The following SMYD3 variants were observed in gnomAD, a reference collection of about 807,000 sequenced individuals.
SMYD3 encodes SET and MYND domain containing 3.
A neutral mutation model predicts 57.7 loss-of-function variants in SMYD3; 36 were observed. The ratio of observed to expected loss-of-function variants is 0.62; its 90% CI spans 0.48 to 0.82. SMYD3 has a LOEUF of 0.82. Ranked by LOEUF, SMYD3 falls within the 40% of genes least tolerant of loss-of-function variation. SMYD3 has a pLI of 0.00. For synonymous variants in SMYD3, 211 were observed against 195.0 expected (o/e 1.08, Z -0.68); for missense variants, 515 against 538.8 (o/e 0.96, Z 0.44).
intron 5 of SMYD3, among the ~76,000 whole-genome samples, chr1:245,960,839 T>C (rs571233218): frequency 1.3e-5 from 2 of 152,364 alleles, no homozygotes; most frequent in South Asian, 2.1e-4. Flanking sequence ...TTTTCAGATA[T>C]ACTTTGCATT....
chr1:246,049,063 G>T (rs1481456551), intron 5 of SMYD3, among the ~76,000 whole-genome samples: 3 of 152,088 alleles, frequency 2.0e-5, no homozygotes, highest in Non-Finnish European at 2.9e-5. Flanking sequence ...ATGTACAGAT[G>T]CCCTAAGAGA....
intron 2 of SMYD3, among the ~76,000 whole-genome samples, chr1:246,351,505 C>T (rs2065823182): frequency 6.6e-6 from 1 of 152,154 alleles, no homozygotes; most frequent in East Asian, 1.9e-4. Flanking sequence ...AGAAAAAAGA[C>T]TGGACCTCCT....
chr1:245,852,015 C>A (rs145864594), intron 10 of SMYD3, among the ~76,000 whole-genome samples: 1 of 152,334 alleles, frequency 6.6e-6, no homozygotes, highest in East Asian at 1.9e-4. Flanking sequence ...CATTTTGTTT[C>A]ATCCTTAAGA....
chr1:245,963,100 AC>A (rs1250483536), intron 5 of SMYD3, among the ~76,000 whole-genome samples: 5 of 152,230 alleles, frequency 3.3e-5, no homozygotes, highest in Admixed American at 6.5e-5. Context: ...CTTAGAAGTC[AC>A]CATTCCATCC....
At chr1:245,795,065 TC>T (rs2047463539) in intron 10 of SMYD3, among the ~76,000 whole-genome samples, 1 of 152,194 alleles carries the variant, frequency 6.6e-6, no homozygotes, top group Non-Finnish European at 1.5e-5. Flanking sequence ...GCAGGTTCTC[TC>T]CCATCTGTCT....
chr1:246,462,266 GCGGGGCC>G (rs1558476095), intron 1 of SMYD3, among the ~76,000 whole-genome samples: 1 of 17,854 alleles, frequency 5.6e-5, no homozygotes, highest in East Asian at 1.4e-3. Flanking sequence ...GCATCCTCCC[GCGGGGCC>G]TGCTGGGTAC....
In SMYD3 at chr1:246,255,979, T is replaced by TAGATAGACAGACAGAC. The variant is rs936118944; in HGVS notation, c.531+71221_531+71222insGTCTGTCTGTCTATCT. On this transcript the variant is annotated intron_variant, in intron 5 of 11. Transcript: ENST00000490107. ...ATAGATAGATAGATAGATAGATAGA[T>TAGATAGACAGACAGAC]AGATAGATACACACACACATACATA... Among the ~76,000 whole-genome samples, 197 of 147,750 alleles carry TAGATAGACAGACAGAC rather than the reference T, an allele frequency of 1.3e-3. 1 individual carries two copies. In the East Asian group the frequency reaches 0.015, roughly 11 times the overall value.
At chr1:246,047,288 A>T (rs2059985645) in intron 5 of SMYD3, among the ~76,000 whole-genome samples, 1 of 152,212 alleles carries the variant, frequency 6.6e-6, no homozygotes, top group South Asian at 2.1e-4. Context: ...AAAGAGAATG[A>T]TTCTAGAACA....
intron 5 of SMYD3, among the ~76,000 whole-genome samples, chr1:246,134,267 T>C (rs2061632876): frequency 6.6e-6 from 1 of 152,122 alleles, no homozygotes; most frequent in Non-Finnish European, 1.5e-5. Context: ...TTATAAATAG[T>C]ACTCCCAAAG....
At chr1:246,148,962 C>T (rs1315213274) in intron 5 of SMYD3, among the ~76,000 whole-genome samples, 1 of 152,202 alleles carries the variant, frequency 6.6e-6, no homozygotes, top group Non-Finnish European at 1.5e-5. Flanking sequence ...CCCTACAACT[C>T]AGGGTGGGTC....
chr1:246,134,053 G>C (rs1365800770), intron 5 of SMYD3, among the ~76,000 whole-genome samples: 1 of 152,118 alleles, frequency 6.6e-6, no homozygotes, highest in African/African-American at 2.4e-5. Flanking sequence ...CCGGGGAAAT[G>C]ACTAGTGAAC....
chr1:246,107,608 A>C (rs1000603943), intron 5 of SMYD3, among the ~76,000 whole-genome samples: 1 of 151,836 alleles, frequency 6.6e-6, no homozygotes, highest in Non-Finnish European at 1.5e-5. Flanking sequence ...TCATTCAAAC[A>C]AAGTTTATTA....
chr1:245,888,464 C>A (rs1233498224), intron 8 of SMYD3, among the ~76,000 whole-genome samples: 1 of 152,200 alleles, frequency 6.6e-6, no homozygotes, highest in Non-Finnish European at 1.5e-5. Flanking sequence ...GCTTCCACAA[C>A]CAAGGGCAGT....
intron 5 of SMYD3, among the ~76,000 whole-genome samples, chr1:246,291,596 G>C (rs1221331064): frequency 6.6e-6 from 1 of 152,170 alleles, no homozygotes; most frequent in Non-Finnish European, 1.5e-5. Context: ...ACTTGCAATA[G>C]CAATGACAAG....
At chr1:246,227,956 C>CTTTTTT (rs202246263) in intron 5 of SMYD3, among the ~76,000 whole-genome samples, 9 of 115,590 alleles carry the variant, frequency 7.8e-5, no homozygotes, top group African/African-American at 1.8e-4. Context: ...ATTTTTATTC[C>CTTTTTT]TTTTTTTTTT....
At chr1:245,952,697 A>T (rs2057698981) in intron 5 of SMYD3, among the ~76,000 whole-genome samples, 1 of 152,194 alleles carries the variant, frequency 6.6e-6, no homozygotes, top group South Asian at 2.1e-4. Flanking sequence ...TCTGTGCAAA[A>T]ACACTGAAAG....
intron 1 of SMYD3, among the ~76,000 whole-genome samples, chr1:246,423,296 C>CAAAA (rs11386183): frequency 8.3e-6 from 1 of 120,258 alleles, no homozygotes. Flanking sequence ...GACTCCAACT[C>CAAAA]AAAAAAAAAA....
At chr1:246,026,662 T>G (rs1227507051) in intron 5 of SMYD3, among the ~76,000 whole-genome samples, 2 of 152,242 alleles carry the variant, frequency 1.3e-5, no homozygotes, top group Non-Finnish European at 2.9e-5. Context: ...GACAGTTAAC[T>G]TAATCCATGA....
intron 10 of SMYD3, among the ~76,000 whole-genome samples, chr1:245,844,648 A>G (rs1199573195): frequency 4.0e-5 from 6 of 150,244 alleles, no homozygotes; most frequent in Admixed American, 2.0e-4. Flanking sequence ...AAGAACGCTA[A>G]CGGCCTGCAG....
Sources: allele counts gnomAD v4.1 joint callset (sites outside exome capture counted in the v4.1 genomes callset), GRCh38; gene constraint gnomAD v4.1.1; transcripts MANE v1.5; gene names NCBI Gene and HGNC (gene_info 2026-07-23, HGNC 2026-07-21).